SPG21: variants seen among roughly 807,000 people sequenced by gnomAD.
SPG21 encodes SPG21 abhydrolase domain containing, maspardin.
A neutral mutation model predicts 38.9 loss-of-function variants in SPG21; 26 were observed. The observed-to-expected ratio is 0.67, with a 90% CI of 0.49 to 0.93. The LOEUF is 0.93. SPG21 is among the 40% of genes least tolerant of loss of function. The pLI, the probability that SPG21 is intolerant of heterozygous loss-of-function variation, is 0.00. For missense variants in SPG21, 333 were observed against 376.5 expected, an observed-to-expected ratio of 0.88 and a Z score of 0.96; for synonymous variants, 136 against 128.9, an observed-to-expected ratio of 1.05 and a Z score of -0.37.
chr15:64,974,120 T>G (rs963848876), intron 5 of SPG21, among the ~76,000 whole-genome samples: 1 of 152,092 alleles, frequency 6.6e-6, no homozygotes, highest in Admixed American at 6.6e-5. Flanking sequence ...AAAGCTGAAT[T>G]TAGAGTTCAT....
chr15:64,978,940 T>C (rs1347174281), intron 3 of SPG21, among the ~76,000 whole-genome samples: 1 of 152,232 alleles, frequency 6.6e-6, no homozygotes, highest in Non-Finnish European at 1.5e-5. Context: ...AAAAGGTATA[T>C]TTCTCTTTAC....
intron 8 of SPG21, among the ~76,000 whole-genome samples, chr15:64,964,659 C>T (rs183903502): frequency 5.5e-4 from 84 of 151,814 alleles, no homozygotes; most frequent in Middle Eastern, 3.4e-3. Context: ...GAGACGGAGT[C>T]TTGTTCTGTT....
chr15:64,976,869 C>T (rs1204084433), intron 3 of SPG21, among the ~76,000 whole-genome samples: 1 of 152,140 alleles, frequency 6.6e-6, no homozygotes, highest in East Asian at 1.9e-4. Flanking sequence ...TACAGCAGAA[C>T]CCATTCCAGT....
At chr15:64,967,177 T>C (rs982367340) in intron 7 of SPG21, among the ~76,000 whole-genome samples, 2 of 151,988 alleles carry the variant, frequency 1.3e-5, no homozygotes, top group African/African-American at 4.8e-5. Context: ...AGTGTGATTC[T>C]ACTTCAAACG....
At chr15:64,964,320 C>T (rs2085503025) in intron 8 of SPG21, among the ~76,000 whole-genome samples, 1 of 152,138 alleles carries the variant, frequency 6.6e-6, no homozygotes, top group South Asian at 2.1e-4. Context: ...AGATGTTTAC[C>T]CTTCCCTTCT....
At position 64,981,126 on chromosome 15, in the gene SPG21, T is replaced by C; in HGVS notation, c.64-101A>G. ...ACTGACAATTTTACTACTACTGCCT[T>C]GTTTGTTACAAGGTAACCTGGAGCT... On this transcript the variant is annotated intron_variant, in intron 2 of 8. Transcript: ENST00000204566. 8.4e-6 allele frequency: 12 copies of C among 1,426,846 alleles called. No homozygotes were observed. The South Asian group carries it at 1.3e-4, about 16-fold the overall frequency. The allele number at this position is 1,426,846 out of a possible 1,614,324, so 88.4% of individuals were successfully genotyped here.
chr15:64,979,845 CA>C (rs71136305), intron 3 of SPG21, among the ~76,000 whole-genome samples: 1,151 of 89,494 alleles, frequency 0.013, 9 homozygotes, highest in African/African-American at 0.044. Flanking sequence ...TGGAAGCATG[CA>C]AAAAAAAAAA....
intron 2 of SPG21, chr15:64,981,256 G>C: frequency 1.9e-6 from 1 of 519,692 alleles, no homozygotes. Flanking sequence ...ATCTTCCAAA[G>C]GGCTGCTGCT....
intron 2 of SPG21, chr15:64,982,878 C>T (rs1442463436): frequency 6.6e-6 from 1 of 152,426 alleles, no homozygotes; most frequent in East Asian, 1.9e-4. Context: ...ACTGTACTCA[C>T]TATACAGTTG....
intron 3 of SPG21, among the ~76,000 whole-genome samples, chr15:64,977,255 C>G (rs2085797198): frequency 6.6e-6 from 1 of 152,160 alleles, no homozygotes; most frequent in African/African-American, 2.4e-5. Flanking sequence ...AGTACAGACA[C>G]AGTTTTGCCA....
At chr15:64,987,363 T>C (rs546540466) in intron 1 of SPG21, 2 of 152,322 alleles carry the variant, frequency 1.3e-5, no homozygotes, top group African/African-American at 2.4e-5. Flanking sequence ...AACTGACGTC[T>C]AAGTGAAAAA....
At chr15:64,976,348 C>G in intron 4 of SPG21, 127 bp downstream of exon 4, 2 of 643,578 alleles carry the variant, frequency 3.1e-6, no homozygotes, top group Non-Finnish European at 5.6e-6. Context: ...TCACTTGAAT[C>G]CGGGAGGTGG....
intron 6 of SPG21, among the ~76,000 whole-genome samples, chr15:64,969,687 GTTTTT>G (rs74643667): frequency 7.2e-4 from 91 of 126,572 alleles, no homozygotes; most frequent in Middle Eastern, 8.4e-3. Context: ...ATATGTTTTT[GTTTTT>G]TTTTTTTTTT....
rs1385862005 is a variant in SPG21, at chr15:64,974,177, C to G, written c.452+425G>C. 5.3e-5 allele frequency among the ~76,000 whole-genome samples: 8 copies of G among 152,098 alleles called. No homozygotes were observed. The East Asian group carries it at 1.5e-3, about 29-fold the overall frequency. ...GGTAATTGTTTCTAATTTTAAAAGCCAAGAAAGAGCCGGGCACAGTGGCTC... is the reference window on the plus strand; with the variant it reads ...GGTAATTGTTTCTAATTTTAAAAGCGAAGAAAGAGCCGGGCACAGTGGCTC... On this transcript the variant is annotated intron_variant, in intron 5 of 8. Coordinates refer to ENST00000204566, the MANE Select transcript of SPG21 (RefSeq NM_016630.7).
chr15:64,979,845 C>CAAAAAAAAAAAAAAAA (rs71136305), intron 3 of SPG21, among the ~76,000 whole-genome samples: 1 of 89,552 alleles, frequency 1.1e-5, no homozygotes, highest in Non-Finnish European at 2.1e-5. Context: ...TGGAAGCATG[C>CAAAAAAAAAAAAAAAA]AAAAAAAAAA....
In SPG21 at chr15:64,963,274, A is replaced by G. The variant is rs950106911; in HGVS notation, c.*346T>C. 4.4e-6 allele frequency: 1 copy of G among 226,436 alleles called. No homozygotes were observed. 14.0% of individuals were successfully genotyped at this position (226,436 alleles called of 1,614,324 possible). On this transcript the variant is annotated 3_prime_UTR_variant, in exon 9 of 9. Coordinates refer to ENST00000204566, the MANE Select transcript of SPG21 (RefSeq NM_016630.7). ...AAGAAAGAAAGAAGAATGGAAAAGA[A>G]AAGAAGAAAAAAACCACCACAAAGT... is the stretch of plus-strand genomic sequence containing the variant.
At chr15:64,964,612 G>C (rs577773173) in intron 8 of SPG21, among the ~76,000 whole-genome samples, 45 of 151,690 alleles carry the variant, frequency 3.0e-4, no homozygotes, top group African/African-American at 1.1e-3. Context: ...TGAAGGGATG[G>C]TGTTTGTTAG....
intron 7 of SPG21, among the ~76,000 whole-genome samples, chr15:64,968,298 C>T (rs1323242571): frequency 6.8e-6 from 1 of 148,040 alleles, no homozygotes; most frequent in African/African-American, 2.5e-5. Flanking sequence ...TGAGATTGCA[C>T]CACTGCACTC....
At chr15:64,972,882 T>G (rs187217421) in intron 5 of SPG21, among the ~76,000 whole-genome samples, 1,922 of 151,902 alleles carry the variant, frequency 0.013, 44 homozygotes, top group African/African-American at 0.042. Flanking sequence ...CTAAAAAATA[T>G]CAGAGTGCAA....
Sources: allele counts gnomAD v4.1 joint callset (sites outside exome capture counted in the v4.1 genomes callset), GRCh38; gene constraint gnomAD v4.1.1; transcripts MANE v1.5; gene names NCBI Gene and HGNC (gene_info 2026-07-23, HGNC 2026-07-21).